Variants in NEB observed in about 807,000 individuals in gnomAD.
NEB encodes nebulin.
A neutral mutation model predicts 952.2 loss-of-function variants in NEB; 512 were observed. The observed-to-expected ratio is 0.54, with a 90% CI of 0.50 to 0.58. The LOEUF (loss-of-function observed/expected upper bound fraction) is 0.58, where lower values mean the gene tolerates loss of function less well. Ranked by LOEUF, NEB falls within the 20% of genes least tolerant of loss-of-function variation. The probability of loss-of-function intolerance (pLI) is 0.00; values close to 1 mark genes in which losing one functional copy is unlikely to be tolerated. For missense variants in NEB, 8,428 were observed against 9,231.1 expected, an observed-to-expected ratio of 0.91 and a Z score of 3.56; for synonymous variants, 2,900 against 3,149.8, an observed-to-expected ratio of 0.92 and a Z score of 2.66.
chr2:151,702,286 G>A (rs988738733), intron 13 of NEB, among the ~76,000 whole-genome samples: 1 of 151,918 alleles, frequency 6.6e-6, no homozygotes, highest in Non-Finnish European at 1.5e-5. Context: ...TTACTTCCAA[G>A]TATGTGGTCA....
chr2:151,511,632 T>G (rs937032051), intron 161 of NEB, among the ~76,000 whole-genome samples: 1 of 152,222 alleles, frequency 6.6e-6, no homozygotes, highest in Admixed American at 6.5e-5. Flanking sequence ...GCACAAATTC[T>G]AATCTGGCAC....
intron 72 of NEB, among the ~76,000 whole-genome samples, 187 bp from the exon 73 acceptor site, chr2:151,619,949 T>C (rs1166870244): frequency 6.6e-6 from 1 of 152,128 alleles, no homozygotes; most frequent in Non-Finnish European, 1.5e-5. Context: ...CCCACAATGG[T>C]TCCTTTATAT....
chr2:151,572,049 C>T (rs1420736146), intron 107 of NEB, among the ~76,000 whole-genome samples: 1 of 152,184 alleles, frequency 6.6e-6, no homozygotes, highest in Non-Finnish European at 1.5e-5. Context: ...GGGCTGGGTG[C>T]AGTGGCTTAC....
In NEB at chr2:151,568,122, T is replaced by G; in HGVS notation, c.17793A>C (p.Pro5931=). The change falls in exon 113 of 182, where the codon CCA becomes CCC. Residue 5931 remains proline, a synonymous_variant. Coordinates refer to ENST00000397345, the MANE Select transcript of NEB (RefSeq NM_001164508.2). ...GGGCATGAACAAATGGCACAGCATC[T>G]GGAGGCAAAATGTAACCTGTGGCTT... ...RQKATGYILP[P]DAVPFVHAHH... is the part of the protein sequence containing the mutation. 1 of 1,613,782 alleles carries G rather than the reference T, an allele frequency of 6.2e-7. No individual in the cohort carries two copies. Among genetic ancestry groups the G allele is most frequent in the Non-Finnish European group, 8.5e-7 (1 of 1,179,788 alleles).
chr2:151,508,612 A>G (rs2071274549), intron 161 of NEB, among the ~76,000 whole-genome samples: 1 of 152,232 alleles, frequency 6.6e-6, no homozygotes. Flanking sequence ...TCCCAGCTAT[A>G]GGACTGAGCC....
chr2:151,629,636 T>C lies in NEB; in HGVS notation c.9734A>G (p.Lys3245Arg), dbSNP rs2098616416. 6.2e-7 allele frequency: 1 copy of C among 1,613,402 alleles called. No homozygotes were observed. Among genetic ancestry groups the C allele is most frequent in the Non-Finnish European group, 8.5e-7 (1 of 1,179,476 alleles). ...CTTTTTTGCTTCTTCATTGGCAAGT[T>C]TGTATAGAGTCTATGAAAAGAAAGG... ...NKINYSETLYKLANEEAKKKG... is the reference protein window; with the variant it reads ...NKINYSETLYRLANEEAKKKG... Residue 3245 changes from lysine to arginine, a missense_variant, in exon 68 of 182, where the codon AAA becomes AGA. Coordinates refer to ENST00000397345, the MANE Select transcript of NEB (RefSeq NM_001164508.2).
rs567501862 is a variant in NEB at position 151,666,140 on chromosome 2, C to T, written c.4981G>A (p.Asp1661Asn). Residue 1661 changes from aspartate to asparagine, a missense_variant, in exon 41 of 182, where the codon GAT becomes AAT. Asp to Asn is a conservative substitution (Grantham distance 23). This residue lies in a region of NEB where 2,851 missense variants were observed against 2,791.5 expected (regional missense o/e 1.02). Transcript: ENST00000397345. ...QSYHHYTLLP[D>N]ALNVEHSRNA... ...CTGGAGTGCTCCACATTCAAGGCAT[C>T]GGGCAGGAGAGTGTAGTGGTGGTAT... The T allele has an allele frequency of 9.9e-6, 16 of 1,613,754 alleles. No homozygotes were observed. In the East Asian group the frequency reaches 2.2e-4, roughly 22 times the overall value.
At chr2:151,715,596 C>A (rs986017398) in intron 10 of NEB, among the ~76,000 whole-genome samples, 4 of 152,200 alleles carry the variant, frequency 2.6e-5, no homozygotes, top group Admixed American at 1.3e-4. Flanking sequence ...CTCTCTGTCT[C>A]CAATGTGTGA....
intron 39 of NEB, among the ~76,000 whole-genome samples, chr2:151,668,427 G>T (rs921812467): frequency 4.6e-5 from 7 of 152,040 alleles, no homozygotes; most frequent in Non-Finnish European, 8.8e-5. Context: ...TGTATAGTTG[G>T]ATATGAAACA....
intron 179 of NEB, 71 bp from the exon 180 acceptor site, chr2:151,490,589 T>C: frequency 6.6e-7 from 1 of 1,522,754 alleles, no homozygotes; most frequent in Non-Finnish European, 9.0e-7. Flanking sequence ...TAACAGTGAT[T>C]GAATCTCAGT....
intron 114 of NEB, among the ~76,000 whole-genome samples, chr2:151,566,638 T>C (rs886966473): frequency 1.3e-5 from 2 of 152,236 alleles, no homozygotes; most frequent in African/African-American, 4.8e-5. Context: ...TCTTATTCTC[T>C]ATCCTAGCTT....
At chr2:151,612,825 T>C (rs1243446166) in intron 77 of NEB, among the ~76,000 whole-genome samples, 1 of 152,216 alleles carries the variant, frequency 6.6e-6, no homozygotes, top group Admixed American at 6.5e-5. Flanking sequence ...GTTGATCACG[T>C]TGCATTAATG....
intron 72 of NEB, 51 bp downstream of exon 72, chr2:151,620,868 C>T: frequency 7.3e-7 from 1 of 1,375,870 alleles, no homozygotes; most frequent in Non-Finnish European, 1.0e-6. Flanking sequence ...CAGCTGTATT[C>T]TGTGTGGCTG....
At chr2:151,663,512 C>T (rs745593343) in intron 45 of NEB, 36 bp downstream of exon 45, 8 of 1,556,572 alleles carry the variant, frequency 5.1e-6, no homozygotes, top group East Asian at 2.3e-5. Flanking sequence ...GCTTATTATC[C>T]AGAGTAAACG....
intron 5 of NEB, among the ~76,000 whole-genome samples, chr2:151,727,116 C>G (rs921633123): frequency 6.6e-6 from 1 of 151,822 alleles, no homozygotes; most frequent in African/African-American, 2.4e-5. Flanking sequence ...CTAGAATGGC[C>G]TGAGCATCAT....
chr2:151,653,943 C>G (rs769259615), intron 52 of NEB, 49 bp downstream of exon 52: 1 of 1,242,732 alleles, frequency 8.0e-7, no homozygotes, highest in Non-Finnish European at 1.2e-6. Context: ...CATTAAGTCA[C>G]CTGATTCAGA....
At position 151,669,045 on chromosome 2, in the gene NEB, G is replaced by A. The variant is rs373328073; in HGVS notation, c.4593C>T (p.Asn1531=). Residue 1531 remains asparagine, a synonymous_variant, in exon 39 of 182, where the codon AAC becomes AAT. Transcript: ENST00000397345. The part of the protein sequence containing the change: ...ELPQFIQAKV[N]ALNMSDAHYK... ...TACTCACATCACTCATGTTGAGGGC[G>A]TTGACTTTGGCTTGAATAAACTGAG... 1.8e-5 allele frequency: 28 copies of A among 1,593,450 alleles called. No individual in the cohort carries two copies. Among genetic ancestry groups the A allele is most frequent in the East Asian group, 9.0e-5 (4 of 44,432 alleles).
rs376614443 is a variant in NEB at position 151,694,343 on chromosome 2, C to T, written c.1876G>A (p.Val626Met). The T allele has an allele frequency of 5.6e-6, 9 of 1,613,864 alleles. No homozygotes were observed. The highest frequency in any genetic ancestry group is 6.8e-6 in the Non-Finnish European group (8 of 1,179,858). ...DDPKMLHSLK[V>M]AKNQSDRLYK... The stretch of plus-strand genomic sequence containing the variant: ...CTCACATCACTCTGGTTTTTGGCCA[C>T]CTTCAAGGAGTGCAGCATCTTGGGA... The change falls in exon 20 of 182, where the codon GTG (valine) becomes ATG (methionine). Residue 626 changes from valine to methionine, a missense_variant. Transcript: ENST00000397345.
intron 155 of NEB, among the ~76,000 whole-genome samples, chr2:151,518,704 T>C (rs115894166): frequency 0.011 from 1,673 of 152,320 alleles, 36 homozygotes; most frequent in African/African-American, 0.037. Context: ...TTCTATGTCC[T>C]TAGAGAAAAG....
Sources: gnomAD v4.1 joint callset for allele counts (sites outside exome capture counted in the v4.1 genomes callset) on GRCh38, gnomAD v4.1.1 for gene constraint, gnomAD v4.1.1 regional missense constraint, MANE v1.5 for transcripts, NCBI Gene and HGNC (gene_info 2026-07-23, HGNC 2026-07-21) for gene names.